NOL4: variants seen among roughly 807,000 people sequenced by gnomAD.
NOL4 encodes nucleolar protein 4.
Under a neutral mutation model 75.9 loss-of-function variants are expected in NOL4, and 17 were observed. The ratio of observed to expected loss-of-function variants is 0.22; its 90% CI spans 0.15 to 0.34. NOL4 has a LOEUF of 0.34. Among genes scored for constraint, NOL4 ranks in the 10% least tolerant of loss-of-function variants. The pLI, the probability that NOL4 is intolerant of heterozygous loss-of-function variation, is 1.00. For missense variants in NOL4, 614 were observed against 793.5 expected, an observed-to-expected ratio of 0.77 and a Z score of 2.72; for synonymous variants, 292 against 289.9, an observed-to-expected ratio of 1.01 and a Z score of -0.07.
chr18:34,123,756 A>G (rs1568369504), intron 2 of NOL4, among the ~76,000 whole-genome samples: 1 of 150,128 alleles, frequency 6.7e-6, no homozygotes, highest in African/African-American at 2.4e-5. Flanking sequence ...AAAGACATAG[A>G]TCTATTTATC....
chr18:33,950,188 A>T (rs1163392360), intron 8 of NOL4, among the ~76,000 whole-genome samples: 4 of 151,850 alleles, frequency 2.6e-5, no homozygotes, highest in African/African-American at 9.7e-5. Flanking sequence ...TTAATGTATC[A>T]ATTCTTGGCC....
intron 5 of NOL4, among the ~76,000 whole-genome samples, chr18:34,050,219 A>G (rs1461168353): frequency 6.6e-6 from 1 of 152,050 alleles, no homozygotes; most frequent in Non-Finnish European, 1.5e-5. Flanking sequence ...CATAATTCAA[A>G]AAGTTATAGC....
At chr18:34,064,654 GATAA>G (rs1465145308) in intron 5 of NOL4, among the ~76,000 whole-genome samples, 2 of 151,788 alleles carry the variant, frequency 1.3e-5, no homozygotes, top group Non-Finnish European at 2.9e-5. Context: ...ATTCTAAAAT[GATAA>G]ATAAATATGC....
At chr18:34,042,502 A>G (rs988945275) in intron 5 of NOL4, among the ~76,000 whole-genome samples, 2 of 152,074 alleles carry the variant, frequency 1.3e-5, no homozygotes, top group Admixed American at 1.3e-4. Context: ...AAGTTTAAGT[A>G]AAGTGTAGGA....
intron 8 of NOL4, among the ~76,000 whole-genome samples, chr18:33,954,826 C>T (rs1250866999): frequency 6.6e-6 from 1 of 151,718 alleles, no homozygotes; most frequent in Non-Finnish European, 1.5e-5. Flanking sequence ...CTAATAAAGA[C>T]TGAGGTGAAA....
At chr18:34,019,190 G>T (rs2074885342) in intron 6 of NOL4, 128 bp downstream of exon 6, 8 of 741,290 alleles carry the variant, frequency 1.1e-5, no homozygotes, top group Non-Finnish European at 1.5e-5. Flanking sequence ...TAAGTTTCTT[G>T]GTATCCTCTT....
intron 10 of NOL4, among the ~76,000 whole-genome samples, chr18:33,859,627 A>G (rs9675709): frequency 0.25 from 37,629 of 152,116 alleles, 4,900 homozygotes; most frequent in East Asian, 0.39. Flanking sequence ...ATACTGCTAT[A>G]AATACCAGAG....
chr18:34,019,556 T>C lies in NOL4; in HGVS notation c.818A>G (p.His273Arg). Residue 273 changes from histidine (H) to arginine (R), a missense_variant, in exon 6 of 11, where the codon CAC becomes CGC. Physicochemically the swap from His to Arg is conservative, Grantham distance 29. Coordinates refer to ENST00000261592, the MANE Select transcript of NOL4 (RefSeq NM_003787.5). ...TGTTCCCCCTGAAGCAATTGAACTG[T>C]GCCCCAGAGTCTCATTGCCATTAAA... ...ESFNGNETLG[H>R]SSIASGGTHS... The C allele has an allele frequency of 6.2e-7, 1 of 1,614,028 alleles. No homozygotes were observed. Among genetic ancestry groups the C allele is most frequent in the Non-Finnish European group, 8.5e-7 (1 of 1,179,978 alleles).
At chr18:33,954,807 G>A (rs1003182069) in intron 8 of NOL4, among the ~76,000 whole-genome samples, 1 of 152,042 alleles carries the variant, frequency 6.6e-6, no homozygotes, top group Non-Finnish European at 1.5e-5. Flanking sequence ...AGACCAAGGT[G>A]TATTCATGCT....
chr18:34,176,960 C>A (rs1436208759), intron 1 of NOL4, among the ~76,000 whole-genome samples: 2 of 151,818 alleles, frequency 1.3e-5, no homozygotes, highest in African/African-American at 4.8e-5. Context: ...AGAAGGGATC[C>A]TTTATAAGAT....
In NOL4 at chr18:33,859,529, C is replaced by G. The variant is rs188403074; in HGVS notation, c.1724-6494G>C. ...CAAAACTCTATGGCTATCATTATGA[C>G]TTTCAATTTCTCCTTGCTATTTTGT... On this transcript the variant is annotated intron_variant, in intron 10 of 10. Transcript: ENST00000261592. 4.4e-4 allele frequency among the ~76,000 whole-genome samples: 67 copies of G among 152,232 alleles called. No homozygotes were observed. The East Asian group carries it at 6.6e-3, about 15-fold the overall frequency.
intron 5 of NOL4, among the ~76,000 whole-genome samples, chr18:34,050,285 GA>G (rs35273482): frequency 0.19 from 29,005 of 148,886 alleles, 3,250 homozygotes; most frequent in East Asian, 0.42. Flanking sequence ...TCATTTTTTG[GA>G]AAAAAAAAAT....
At chr18:33,912,025 A>C (rs775225901) in intron 9 of NOL4, among the ~76,000 whole-genome samples, 1 of 152,098 alleles carries the variant, frequency 6.6e-6, no homozygotes, top group Non-Finnish European at 1.5e-5. Flanking sequence ...ACAACTTGTT[A>C]GATACACTTT....
At chr18:34,117,098 G>T (rs2084899478) in intron 2 of NOL4, among the ~76,000 whole-genome samples, 1 of 152,150 alleles carries the variant, frequency 6.6e-6, no homozygotes, top group East Asian at 1.9e-4. Context: ...ATCTATGTCT[G>T]ATTGTTTTCC....
At chr18:33,924,056 T>C (rs2067189109) in intron 9 of NOL4, among the ~76,000 whole-genome samples, 1 of 152,178 alleles carries the variant, frequency 6.6e-6, no homozygotes, top group East Asian at 1.9e-4. Context: ...TAAGAAATCA[T>C]ACACACACTT....
chr18:34,141,240 T>C (rs1226635720), intron 1 of NOL4, among the ~76,000 whole-genome samples: 20 of 152,112 alleles, frequency 1.3e-4, no homozygotes, highest in African/African-American at 4.6e-4. Context: ...ATCAATATCA[T>C]GAAAATGGCC....
At chr18:34,176,627 A>G (rs2146301536) in intron 1 of NOL4, among the ~76,000 whole-genome samples, 1 of 152,208 alleles carries the variant, frequency 6.6e-6, no homozygotes, top group South Asian at 2.1e-4. Flanking sequence ...GGCTCTCATA[A>G]TAGGACTGGT....
intron 2 of NOL4, among the ~76,000 whole-genome samples, chr18:34,108,808 A>G (rs1447650064): frequency 6.6e-6 from 1 of 152,168 alleles, no homozygotes; most frequent in East Asian, 1.9e-4. Flanking sequence ...ATGAATAAGG[A>G]AACAGCAGAC....
intron 5 of NOL4, among the ~76,000 whole-genome samples, chr18:34,074,687 A>G (rs1412544647): frequency 1.3e-5 from 2 of 152,096 alleles, no homozygotes; most frequent in Non-Finnish European, 2.9e-5. Flanking sequence ...ATTAGGGCAC[A>G]GTGTAATAAA....
Sources: gnomAD v4.1 joint callset for allele counts (sites outside exome capture counted in the v4.1 genomes callset) on GRCh38, gnomAD v4.1.1 for gene constraint, MANE v1.5 for transcripts, NCBI Gene and HGNC (gene_info 2026-07-23, HGNC 2026-07-21) for gene names.